RAI1: variants seen among roughly 807,000 people sequenced by gnomAD.
RAI1 encodes retinoic acid-induced protein 1.
In RAI1, 9 loss-of-function variants were observed where a neutral mutation model predicts 123.8. That is an observed-to-expected ratio of 0.07 (90% CI 0.04 to 0.13). RAI1 has a LOEUF of 0.13. Ranked by LOEUF, RAI1 falls within the 10% of genes least tolerant of loss-of-function variation. RAI1 has a pLI of 1.00. For missense variants in RAI1, 2,256 were observed against 2,545.8 expected (o/e 0.89, Z 2.45); for synonymous variants, 1,231 against 1,127.3 (o/e 1.09, Z -1.84).
chr17:17,800,180 G>GTCTCTCTCTGTGTC lies in RAI1; in HGVS notation c.5565+1676_5565+1677insGTGTCTCTCTCTCT, dbSNP rs1555566532. On this transcript the variant is annotated intron_variant, in intron 3 of 5. Coordinates refer to ENST00000353383, the MANE Select transcript of RAI1 (RefSeq NM_030665.4). This position sits in a 1 kb window ranked among gnomAD's most constrained non-coding sequence, Gnocchi z 4.7. Reference sequence around the variant, plus strand: ...TCTCTCCTGCTTTCTGTCTCTCTCTGTCTCTCTCTCTCTCTCTCTCTCTCT... The same window carrying GTCTCTCTCTGTGTC: ...TCTCTCCTGCTTTCTGTCTCTCTCTGTCTCTCTCTGTGTCTCTCTCTCTCTCTCTCTCTCTCTCT... Among the ~76,000 whole-genome samples, 1 of 116,318 alleles carries GTCTCTCTCTGTGTC rather than the reference G, an allele frequency of 8.6e-6. No homozygotes were observed. The highest frequency in any genetic ancestry group is 2.0e-5 in the Non-Finnish European group (1 of 51,162). 76.3% of individuals were successfully genotyped at this position (116,318 alleles called of 152,430 possible). A position where few individuals can be genotyped will look rare whatever the true frequency, so the allele number is the denominator to read the frequency against.
intron 1 of RAI1, among the ~76,000 whole-genome samples, chr17:17,699,833 T>G (rs531564950): frequency 1.2e-4 from 19 of 152,182 alleles, no homozygotes; most frequent in African/African-American, 3.1e-4. Flanking sequence ...CACCCCACCC[T>G]GTGCCTCTCC....
At chr17:17,786,967 G>A (rs2031847128) in intron 2 of RAI1, among the ~76,000 whole-genome samples, 1 of 152,214 alleles carries the variant, frequency 6.6e-6, no homozygotes, top group Non-Finnish European at 1.5e-5. Context: ...CAGCTACCCG[G>A]GAGGCGGAGG....
intron 1 of RAI1, chr17:17,682,667 T>G (rs1484351732): frequency 6.6e-6 from 1 of 151,806 alleles, no homozygotes; most frequent in African/African-American, 2.4e-5. Flanking sequence ...GGGGCCTCCG[T>G]GGTGGGGCGG....
At chr17:17,718,523 C>G (rs1333514049) in intron 1 of RAI1, among the ~76,000 whole-genome samples, 5 of 152,164 alleles carry the variant, frequency 3.3e-5, no homozygotes, top group African/African-American at 9.7e-5. Context: ...ACCATGCCAG[C>G]CCCATGTGGG....
chr17:17,688,823 C>T (rs994175835), intron 1 of RAI1, among the ~76,000 whole-genome samples: 2 of 152,076 alleles, frequency 1.3e-5, no homozygotes, highest in African/African-American at 4.8e-5. Flanking sequence ...TGGTCTCAAA[C>T]TCCTGACCTC....
chr17:17,730,740 C>G (rs944575493), intron 2 of RAI1, among the ~76,000 whole-genome samples: 4 of 152,236 alleles, frequency 2.6e-5, no homozygotes, highest in African/African-American at 4.8e-5. Flanking sequence ...CCTGCCAGGG[C>G]TGAGGTGTCA....
At chr17:17,805,910 A>C (rs2032585524) in intron 4 of RAI1, among the ~76,000 whole-genome samples, 1 of 152,146 alleles carries the variant, frequency 6.6e-6, no homozygotes, top group South Asian at 2.1e-4. Context: ...CTGCTACAGA[A>C]CCATGTTGTT....
intron 1 of RAI1, among the ~76,000 whole-genome samples, chr17:17,711,775 G>C (rs374647339): frequency 1.6e-4 from 24 of 152,358 alleles, no homozygotes; most frequent in African/African-American, 5.5e-4. Context: ...CCAGATATCA[G>C]GCAGCAGCAT....
chr17:17,701,181 G>A (rs1014399520), intron 1 of RAI1, among the ~76,000 whole-genome samples: 4 of 152,176 alleles, frequency 2.6e-5, no homozygotes, highest in Admixed American at 2.6e-4. Context: ...CATGGTGAAG[G>A]TTGTCTGGGT....
rs779996400 is a variant in RAI1 at position 17,793,995 on chromosome 17, C to T, written c.1047C>T (p.Ser349=). Residue 349 remains serine, a synonymous_variant, in exon 3 of 6, where the codon TCC becomes TCT. Coordinates refer to ENST00000353383, the MANE Select transcript of RAI1 (RefSeq NM_030665.4). The part of the protein sequence containing the change: ...SPSSSHSPAR[S]VGRSPSYSST... The stretch of plus-strand genomic sequence containing the variant: ...GCTCCAGCCACTCACCCGCCCGCTC[C>T]GTGGGCCGCTCACCTTCCTACAGTT... 16 of 1,613,822 alleles carry T rather than the reference C, an allele frequency of 9.9e-6. No homozygotes were observed. Among genetic ancestry groups the T allele is most frequent in the South Asian group, 2.2e-5 (2 of 91,080 alleles).
At chr17:17,751,316 G>C (rs2030160115) in intron 2 of RAI1, among the ~76,000 whole-genome samples, 1 of 152,200 alleles carries the variant, frequency 6.6e-6, no homozygotes, top group Admixed American at 6.5e-5. Context: ...CCAGGCAGAG[G>C]GGCCTGTGCA....
At chr17:17,767,303 A>G (rs1165350865) in intron 2 of RAI1, among the ~76,000 whole-genome samples, 2 of 152,026 alleles carry the variant, frequency 1.3e-5, no homozygotes, top group Non-Finnish European at 1.5e-5. Flanking sequence ...TAATCCCCAC[A>G]CCGTATCTAT....
chr17:17,775,368 T>A (rs1410027981), intron 2 of RAI1, among the ~76,000 whole-genome samples: 1 of 151,976 alleles, frequency 6.6e-6, no homozygotes, highest in Non-Finnish European at 1.5e-5. Flanking sequence ...CATGCCCAGC[T>A]AATTTTTGTA....
At chr17:17,747,001 C>G (rs139010500) in intron 2 of RAI1, among the ~76,000 whole-genome samples, 2,813 of 152,280 alleles carry the variant, frequency 0.018, 85 homozygotes, top group African/African-American at 0.064. Flanking sequence ...TTGAAAGATA[C>G]GGCTGCCAAA....
At position 17,809,946 on chromosome 17, in the gene RAI1, C is replaced by T. The variant is rs2032694550; in HGVS notation, c.5710-24C>T. 1 of 1,560,106 alleles carries T rather than the reference C, an allele frequency of 6.4e-7. No individual in the cohort carries two copies. Among genetic ancestry groups the T allele is most frequent in the Admixed American group, 1.9e-5 (1 of 52,284 alleles). On this transcript the variant is annotated intron_variant, in intron 5 of 5. Coordinates refer to ENST00000353383, the MANE Select transcript of RAI1 (RefSeq NM_030665.4). This position sits in a 1 kb window ranked among gnomAD's most constrained non-coding sequence, Gnocchi z 4.9. Reference sequence around the variant, plus strand: ...CTGTGAAGTCCGAGGTCGTCGGTAACTGGCGGGCGGGCGTCTTTTGCAGAG... The same window carrying T: ...CTGTGAAGTCCGAGGTCGTCGGTAATTGGCGGGCGGGCGTCTTTTGCAGAG...
rs1043678520 is a variant in RAI1 at position 17,784,246 on chromosome 17, C to T, written c.-16-8687C>T. 7.0e-3 allele frequency among the ~76,000 whole-genome samples: 1,059 copies of T among 152,286 alleles called. 12 individuals are homozygous for T. The highest frequency in any genetic ancestry group is 0.024 in the African/African-American group (1,008 of 41,564). On this transcript the variant is annotated intron_variant, in intron 2 of 5. Coordinates refer to ENST00000353383, the MANE Select transcript of RAI1 (RefSeq NM_030665.4). ...TGGAACGGGGACTGGGAGGGGCTGG[C>T]CTGCTGTGCCTCCCCGGCTGTCAGA...
chr17:17,723,016 A>G (rs1915937360), intron 1 of RAI1, among the ~76,000 whole-genome samples: 1 of 152,134 alleles, frequency 6.6e-6, no homozygotes. Context: ...AACCGCCTGC[A>G]GATACCCACC....
intron 2 of RAI1, among the ~76,000 whole-genome samples, chr17:17,786,239 CT>C (rs1879094076): frequency 6.6e-6 from 1 of 152,234 alleles, no homozygotes; most frequent in South Asian, 2.1e-4. Flanking sequence ...GTGGCCACCC[CT>C]GATCTCCCGC....
intron 1 of RAI1, among the ~76,000 whole-genome samples, chr17:17,700,952 G>T (rs527701147): frequency 6.6e-6 from 1 of 152,220 alleles, no homozygotes; most frequent in Admixed American, 6.5e-5. Flanking sequence ...AGGCGCTCTT[G>T]AGGGTTGAAT....
Sources: gnomAD v4.1 joint callset for allele counts (sites outside exome capture counted in the v4.1 genomes callset) on GRCh38, gnomAD v4.1.1 for gene constraint, Gnocchi (gnomAD v3.1) non-coding constraint, MANE v1.5 for transcripts, NCBI Gene and HGNC (gene_info 2026-07-23, HGNC 2026-07-21) for gene names.